The following CADPS variants were observed in gnomAD, a reference collection of about 807,000 sequenced individuals.
The protein encoded by CADPS is calcium dependent secretion activator.
Under a neutral mutation model 167.3 loss-of-function variants are expected in CADPS, and 57 were observed. That is an observed-to-expected ratio of 0.34 (90% CI 0.28 to 0.42). The LOEUF (loss-of-function observed/expected upper bound fraction) is 0.42. CADPS is among the 20% of genes least tolerant of loss of function. CADPS has a pLI of 1.00. For synonymous variants in CADPS, 676 were observed against 635.3 expected, an observed-to-expected ratio of 1.06 and a Z score of -0.96; for missense variants, 1,414 against 1,738.1, an observed-to-expected ratio of 0.81 and a Z score of 3.32.
chr3:62,688,664 T>C (rs1020495249), intron 3 of CADPS, among the ~76,000 whole-genome samples: 1 of 152,086 alleles, frequency 6.6e-6, no homozygotes, highest in Non-Finnish European at 1.5e-5. Context: ...TACCTTCCTG[T>C]CCTAGTCTGT....
chr3:62,399,356 C>A lies in CADPS; in HGVS notation c.*50G>T, dbSNP rs1403347147. The A allele has an allele frequency of 1.3e-6, 2 of 1,565,430 alleles. No individual in the cohort carries two copies. The highest frequency in any genetic ancestry group is 3.4e-4 in the Middle Eastern group (2 of 5,908). On this transcript the variant is annotated 3_prime_UTR_variant, in exon 30 of 30. Coordinates refer to ENST00000383710, the MANE Select transcript of CADPS (RefSeq NM_003716.4). The surrounding 1 kb of genome is among the most constrained non-coding windows in gnomAD (Gnocchi z 5.6). ...ATGGGTTTAACTAACAGACTAAGGA[C>A]ATGCACTGATTACAGGACTCTGTCC...
intron 6 of CADPS, among the ~76,000 whole-genome samples, chr3:62,639,131 T>C (rs891628025): frequency 1.3e-5 from 2 of 152,164 alleles, no homozygotes; most frequent in African/African-American, 4.8e-5. Context: ...GGCAGTACAG[T>C]GTCTGAGCAT....
chr3:62,780,134 A>C (rs1161269904), intron 1 of CADPS, among the ~76,000 whole-genome samples: 2 of 152,160 alleles, frequency 1.3e-5, no homozygotes, highest in African/African-American at 2.4e-5. Flanking sequence ...TGGCCTCCCA[A>C]AATGCTGGGA....
chr3:62,568,950 T>C (rs1397117217), intron 9 of CADPS, among the ~76,000 whole-genome samples: 1 of 152,202 alleles, frequency 6.6e-6, no homozygotes, highest in African/African-American at 2.4e-5. Context: ...GATTCCTTTC[T>C]GGGAGCTAAA....
At chr3:62,584,618 G>A (rs1280893051) in intron 8 of CADPS, among the ~76,000 whole-genome samples, 1 of 152,084 alleles carries the variant, frequency 6.6e-6, no homozygotes, top group African/African-American at 2.4e-5. Context: ...GGTCTTATTT[G>A]GCATCTTACC....
intron 26 of CADPS, among the ~76,000 whole-genome samples, chr3:62,450,667 A>G (rs543306585): frequency 2.5e-4 from 38 of 152,338 alleles, no homozygotes; most frequent in Admixed American, 2.3e-3. Flanking sequence ...ACACAAATCC[A>G]GAGAGGCTGA....
chr3:62,774,206 A>G (rs1381002864), intron 1 of CADPS, among the ~76,000 whole-genome samples: 2 of 152,166 alleles, frequency 1.3e-5, no homozygotes, highest in African/African-American at 4.8e-5. Flanking sequence ...AAGGAGGTCT[A>G]CTTTTCACCC....
intron 1 of CADPS, among the ~76,000 whole-genome samples, chr3:62,841,393 T>A (rs1260251258): frequency 1.3e-5 from 2 of 152,148 alleles, no homozygotes; most frequent in African/African-American, 4.8e-5. Context: ...GGTACTTATT[T>A]TGGCACTTGA....
At chr3:62,800,095 C>T (rs1448381967) in intron 1 of CADPS, among the ~76,000 whole-genome samples, 3 of 152,098 alleles carry the variant, frequency 2.0e-5, no homozygotes, top group Admixed American at 6.6e-5. Flanking sequence ...GCCTGGGCTC[C>T]TCCAAATTAC....
intron 3 of CADPS, among the ~76,000 whole-genome samples, chr3:62,698,165 G>A (rs2080691703): frequency 6.6e-6 from 1 of 152,120 alleles, no homozygotes; most frequent in African/African-American, 2.4e-5. Flanking sequence ...TTGAGAGACA[G>A]AAAGTATCAT....
chr3:62,706,568 C>T (rs2151684728), intron 3 of CADPS, among the ~76,000 whole-genome samples: 1 of 152,220 alleles, frequency 6.6e-6, no homozygotes, highest in Non-Finnish European at 1.5e-5. Flanking sequence ...AAGGTGTTGG[C>T]AGGGTTGCCT....
At chr3:62,662,835 C>T (rs966217500) in intron 3 of CADPS, among the ~76,000 whole-genome samples, 2 of 152,168 alleles carry the variant, frequency 1.3e-5, no homozygotes, top group Non-Finnish European at 2.9e-5. Context: ...ACCTCTGGAC[C>T]ATGGAGGATT....
intron 6 of CADPS, among the ~76,000 whole-genome samples, chr3:62,642,031 C>A (rs2067528284): frequency 6.7e-6 from 1 of 150,220 alleles, no homozygotes; most frequent in Non-Finnish European, 1.5e-5. Flanking sequence ...AATGTCAATT[C>A]AATACATGAG....
intron 1 of CADPS, among the ~76,000 whole-genome samples, chr3:62,850,188 C>T (rs1173644409): frequency 7.3e-6 from 1 of 136,818 alleles, no homozygotes; most frequent in African/African-American, 2.6e-5. Context: ...GTCTTGCTAG[C>T]GGTCTATCAA....
intron 1 of CADPS, among the ~76,000 whole-genome samples, chr3:62,772,170 AT>A (rs888088331): frequency 5.9e-5 from 9 of 152,094 alleles, no homozygotes; most frequent in Admixed American, 2.0e-4. Context: ...AGGAAGTATT[AT>A]TTTTTTCCCT....
chr3:62,632,057 T>A (rs17066699), intron 6 of CADPS, among the ~76,000 whole-genome samples: 8,443 of 152,242 alleles, frequency 0.055, 280 homozygotes, highest in East Asian at 0.094. Context: ...TTCACCAACA[T>A]ACAGGACATA....
chr3:62,844,729 A>G (rs2077140385), intron 1 of CADPS, among the ~76,000 whole-genome samples: 2 of 152,198 alleles, frequency 1.3e-5, no homozygotes, highest in Non-Finnish European at 2.9e-5. Flanking sequence ...GGGAAAATCG[A>G]TTCTTAGTAT....
intron 1 of CADPS, among the ~76,000 whole-genome samples, chr3:62,782,638 A>G (rs1167426370): frequency 2.0e-5 from 3 of 152,246 alleles, no homozygotes; most frequent in Non-Finnish European, 2.9e-5. Flanking sequence ...CAGCATTGAA[A>G]GAGCAGAAAT....
intron 1 of CADPS, among the ~76,000 whole-genome samples, chr3:62,873,220 T>C (rs1489041069): frequency 6.6e-6 from 1 of 152,222 alleles, no homozygotes; most frequent in East Asian, 1.9e-4. Flanking sequence ...CTGGGTGGTG[T>C]GTGTACACAT....
Sources: allele counts gnomAD v4.1 joint callset (sites outside exome capture counted in the v4.1 genomes callset), GRCh38; gene constraint gnomAD v4.1.1; non-coding constraint Gnocchi (gnomAD v3.1); transcripts MANE v1.5; gene names NCBI Gene and HGNC (gene_info 2026-07-23, HGNC 2026-07-21).